RANBP3L: variants seen among roughly 807,000 people sequenced by gnomAD.
RANBP3L encodes ran-binding protein 3-like.
RANBP3L carries 56 observed loss-of-function variants against 67.2 expected under a neutral mutation model. The observed-to-expected ratio is 0.83, with a 90% CI of 0.67 to 1.04. RANBP3L has a LOEUF of 1.04. RANBP3L is among the 50% of genes least tolerant of loss of function. RANBP3L has a pLI of 0.00. For missense variants in RANBP3L, 496 were observed against 535.5 expected (o/e 0.93, Z 0.73); for synonymous variants, 164 against 181.4 (o/e 0.90, Z 0.77).
chr5:36,298,484 C>G (rs1752389928), intron 1 of RANBP3L, among the ~76,000 whole-genome samples: 1 of 152,190 alleles, frequency 6.6e-6, no homozygotes, highest in South Asian at 2.1e-4. Flanking sequence ...AGACCTCACT[C>G]TCTAAAACAA....
chr5:36,254,475 T>A (rs189378954), intron 11 of RANBP3L, among the ~76,000 whole-genome samples: 1 of 151,984 alleles, frequency 6.6e-6, no homozygotes, highest in Admixed American at 6.6e-5. Flanking sequence ...TCTTTTGGGG[T>A]TTGTTTTTTG....
intron 2 of RANBP3L, 78 bp from the exon 3 acceptor site, chr5:36,270,068 T>G: frequency 7.4e-7 from 1 of 1,357,602 alleles, no homozygotes; most frequent in East Asian, 2.3e-5. Flanking sequence ...ATTGCAGTTT[T>G]GGCAATTAAA....
Position 36,271,240 on chromosome 5 carries a change from T to C in RANBP3L, c.150+13A>G. The stretch of plus-strand genomic sequence containing the variant: ...GTCAAAGTAAAATTGAACAAAGAAG[T>C]AGTCAATCTTACCTTAAAAGTTTGT... On this transcript the variant is annotated intron_variant, in intron 2 of 13. Coordinates refer to ENST00000296604, the MANE Select transcript of RANBP3L (RefSeq NM_145000.5). The C allele has an allele frequency of 7.2e-7, 1 of 1,380,084 alleles. No homozygotes were observed. The highest frequency in any genetic ancestry group is 2.3e-5 in the East Asian group (1 of 43,702). 85.5% of individuals were successfully genotyped at this position (1,380,084 alleles called of 1,614,324 possible). A position where few individuals can be genotyped will look rare whatever the true frequency, so the allele number is the denominator to read the frequency against.
intron 1 of RANBP3L, among the ~76,000 whole-genome samples, chr5:36,271,999 A>G (rs1420051875): frequency 1.3e-5 from 2 of 152,178 alleles, no homozygotes; most frequent in East Asian, 3.8e-4. Context: ...CTTAAGAAAT[A>G]CTATGTGGTA....
intron 1 of RANBP3L, among the ~76,000 whole-genome samples, chr5:36,289,718 G>A (rs1751575784): frequency 6.6e-6 from 1 of 151,178 alleles, no homozygotes; most frequent in Admixed American, 6.6e-5. Flanking sequence ...TTTTTTGTAT[G>A]TTGACTTTGT....
At chr5:36,294,853 A>G (rs1752081102) in intron 1 of RANBP3L, among the ~76,000 whole-genome samples, 1 of 148,474 alleles carries the variant, frequency 6.7e-6, no homozygotes, top group South Asian at 2.1e-4. Flanking sequence ...ATAAACATAT[A>G]TATACTCATA....
chr5:36,261,904 GA>G, intron 7 of RANBP3L, 34 bp downstream of exon 7: 1 of 970,032 alleles, frequency 1.0e-6, no homozygotes, highest in South Asian at 1.6e-5. Context: ...ATGCAAGAAT[GA>G]AAGGACAACG....
intron 13 of RANBP3L, among the ~76,000 whole-genome samples, chr5:36,250,429 A>G (rs1748513461): frequency 6.6e-6 from 1 of 152,022 alleles, no homozygotes; most frequent in South Asian, 2.1e-4. Context: ...CTTTAATATT[A>G]AGCAAAGGAA....
chr5:36,267,001 C>T (rs1281959796), intron 4 of RANBP3L, among the ~76,000 whole-genome samples: 1 of 152,162 alleles, frequency 6.6e-6, no homozygotes, highest in East Asian at 1.9e-4. Context: ...CAGAGATCTG[C>T]CTGCCTTGGC....
At chr5:36,278,742 G>T (rs918502006) in intron 1 of RANBP3L, among the ~76,000 whole-genome samples, 1 of 152,156 alleles carries the variant, frequency 6.6e-6, no homozygotes, top group South Asian at 2.1e-4. Flanking sequence ...TCTGTGGTAA[G>T]GATATTGAAA....
Position 36,257,066 on chromosome 5 carries a change from C to A in RANBP3L, c.778G>T (p.Asp260Tyr). Residue 260 changes from aspartate to tyrosine, a missense_variant, in exon 10 of 14, where the codon GAC becomes TAC. By Grantham distance (160) the Asp-to-Tyr change is radical. Coordinates refer to ENST00000296604, the MANE Select transcript of RANBP3L (RefSeq NM_145000.5). ...FPVNFLSSRT[D>Y]SIKNTSLIES... ...ATTAGGGAAGTATTTTTAATAGAGT[C>A]TGTTCCTAAGAGAAAATGGGGAAAA... 1 of 1,610,426 alleles carries A rather than the reference C, an allele frequency of 6.2e-7. No individual in the cohort carries two copies. The highest frequency in any genetic ancestry group is 8.5e-7 in the Non-Finnish European group (1 of 1,178,420).
chr5:36,259,499 C>G (rs1749219305), intron 8 of RANBP3L, among the ~76,000 whole-genome samples: 1 of 151,350 alleles, frequency 6.6e-6, no homozygotes, highest in Non-Finnish European at 1.5e-5. Context: ...GGGAGGATCC[C>G]TTGAGCCAGG....
At chr5:36,261,316 A>G (rs1265640060) in intron 7 of RANBP3L, among the ~76,000 whole-genome samples, 1 of 152,036 alleles carries the variant, frequency 6.6e-6, no homozygotes, top group Non-Finnish European at 1.5e-5. Flanking sequence ...CTTTTTTTTA[A>G]TGTTAAAAGT....
chr5:36,263,174 G>T lies in RANBP3L; in HGVS notation c.481-1132C>A, dbSNP rs563148094. On this transcript the variant is annotated intron_variant, in intron 6 of 13. Transcript: ENST00000296604. ...CAATAAATGGAAAATTTAATGATGG[G>T]CATTAAATTTTCTTTTTAATGATGG... Among the ~76,000 whole-genome samples, 5 of 152,064 alleles carry T rather than the reference G, an allele frequency of 3.3e-5. No individual in the cohort carries two copies. The South Asian group carries it at 8.3e-4, about 25-fold the overall frequency.
In RANBP3L at chr5:36,255,647, A is replaced by G; in HGVS notation, c.904-57T>C. The G allele has an allele frequency of 5.4e-6, 7 of 1,301,618 alleles. No individual in the cohort carries two copies. In the South Asian group the frequency reaches 6.4e-5, roughly 12 times the overall value. The allele number at this position is 1,301,618 out of a possible 1,614,324, so 80.6% of individuals were successfully genotyped here. A position where few individuals can be genotyped will look rare whatever the true frequency, so the allele number is the denominator to read the frequency against. On this transcript the variant is annotated intron_variant, in intron 10 of 13. Transcript: ENST00000296604. ...ATAGAAAATTTTTTCAAAGTAAATT[A>G]TTTCCTATGTTATGACACGTTTATA...
chr5:36,290,778 C>T (rs1315078549), intron 1 of RANBP3L, among the ~76,000 whole-genome samples: 3 of 119,668 alleles, frequency 2.5e-5, no homozygotes, highest in Non-Finnish European at 4.8e-5. Context: ...GTTGCCCAGA[C>T]TGGAGTGCAG....
intron 1 of RANBP3L, among the ~76,000 whole-genome samples, chr5:36,298,481 A>G (rs1231531979): frequency 6.6e-6 from 1 of 152,168 alleles, no homozygotes; most frequent in Non-Finnish European, 1.5e-5. Flanking sequence ...GCCAGACCTC[A>G]CTCTCTAAAA....
intron 7 of RANBP3L, among the ~76,000 whole-genome samples, chr5:36,261,348 G>A (rs977202803): frequency 2.0e-5 from 3 of 151,932 alleles, no homozygotes; most frequent in East Asian, 1.9e-4. Context: ...TGAGAAACTC[G>A]AAGACCGGAA....
intron 1 of RANBP3L, among the ~76,000 whole-genome samples, chr5:36,298,702 TGCATTA>T: frequency 6.6e-6 from 1 of 152,266 alleles, no homozygotes; most frequent in Non-Finnish European, 1.5e-5. Flanking sequence ...CAGTCTGGAC[TGCATTA>T]GCATGCTTCA....
Sources: gnomAD v4.1 joint callset for allele counts (sites outside exome capture counted in the v4.1 genomes callset) on GRCh38, gnomAD v4.1.1 for gene constraint, MANE v1.5 for transcripts, NCBI Gene and HGNC (gene_info 2026-07-23, HGNC 2026-07-21) for gene names.